Variants in PCNT observed in about 807,000 individuals in gnomAD.
PCNT encodes pericentrin, also known as kendrin.
A neutral mutation model predicts 380.4 loss-of-function variants in PCNT; 319 were observed. The ratio of observed to expected loss-of-function variants is 0.84; its 90% CI spans 0.77 to 0.92. The LOEUF is 0.92. PCNT is among the 40% of genes least tolerant of loss of function. The probability of loss-of-function intolerance (pLI) is 0.00; values close to 1 mark genes in which losing one functional copy is unlikely to be tolerated. For missense variants in PCNT, 4,400 were observed against 4,255.3 expected (o/e 1.03, Z -0.95); for synonymous variants, 1,845 against 1,735.2 (o/e 1.06, Z -1.57).
chr21:46,337,169 G>T (rs1181320895), intron 3 of PCNT, among the ~76,000 whole-genome samples: 1 of 151,796 alleles, frequency 6.6e-6, no homozygotes, highest in African/African-American at 2.4e-5. Flanking sequence ...GCTAATTGGG[G>T]TTTCACCATG....
In PCNT at chr21:46,377,037, C is replaced by T. The variant is rs555481789; in HGVS notation, c.3166-4657C>T. ...GGCACCTCAGCAAGTTCCAGGCCGG[C>T]GCGGGGGGCACCCGATCCTTTATCC... On this transcript the variant is annotated intron_variant, in intron 15 of 46. Coordinates refer to ENST00000359568, the MANE Select transcript of PCNT (RefSeq NM_006031.6). Among the ~76,000 whole-genome samples, 109 of 152,238 alleles carry T rather than the reference C, an allele frequency of 7.2e-4. 1 individual carries two copies. Among genetic ancestry groups the T allele is most frequent in the Non-Finnish European group, 1.4e-3 (92 of 68,026 alleles).
chr21:46,335,147 A>ACCAG (rs569342632), intron 3 of PCNT, among the ~76,000 whole-genome samples: 142 of 152,262 alleles, frequency 9.3e-4, no homozygotes, highest in African/African-American at 3.4e-3. Flanking sequence ...CTGTCTGTTC[A>ACCAG]GCCTGTTTCT....
At chr21:46,360,621 C>T (rs2084677787) in intron 13 of PCNT, among the ~76,000 whole-genome samples, 1 of 151,302 alleles carries the variant, frequency 6.6e-6, no homozygotes, top group Non-Finnish European at 1.5e-5. Context: ...CAGGTTCACG[C>T]CATTCTCCTG....
intron 15 of PCNT, 47 bp downstream of exon 15, chr21:46,367,186 C>G: frequency 5.2e-6 from 8 of 1,526,204 alleles, no homozygotes; most frequent in Non-Finnish European, 6.3e-6. Context: ...CCTCTCCTCG[C>G]TGCCTGTGTG....
intron 15 of PCNT, among the ~76,000 whole-genome samples, chr21:46,370,753 C>T (rs9981170): frequency 0.22 from 34,043 of 151,984 alleles, 4,765 homozygotes; most frequent in African/African-American, 0.4. Context: ...AAATAAAAAT[C>T]GGCCGGGCGC....
chr21:46,360,131 A>G (rs2084651459), intron 13 of PCNT, among the ~76,000 whole-genome samples: 3 of 151,534 alleles, frequency 2.0e-5, no homozygotes, highest in Admixed American at 2.0e-4. Context: ...TGCTGGGATT[A>G]CAGATGTGAG....
At position 46,355,544 on chromosome 21, in the gene PCNT, G is replaced by A. The variant is rs746375601; in HGVS notation, c.1854G>A (p.Gly618=). The A allele has an allele frequency of 6.2e-7, 1 of 1,614,146 alleles. No individual in the cohort carries two copies. The highest frequency in any genetic ancestry group is 8.5e-7 in the Non-Finnish European group (1 of 1,180,018). Residue 618 remains glycine (G), a synonymous_variant, in exon 12 of 47, where the codon GGG becomes GGA. Coordinates refer to ENST00000359568, the MANE Select transcript of PCNT (RefSeq NM_006031.6). ...LESPLCIQHE[G]HVSDRCCVET... Reference sequence around the variant, plus strand: ...CTCCCCTCTGCATCCAGCACGAGGGGCATGTCTCAGACAGATGCTGCGTAG... The same window carrying A: ...CTCCCCTCTGCATCCAGCACGAGGGACATGTCTCAGACAGATGCTGCGTAG...
At chr21:46,332,047 G>A (rs1418783543) in intron 2 of PCNT, among the ~76,000 whole-genome samples, 2 of 152,024 alleles carry the variant, frequency 1.3e-5, no homozygotes, top group South Asian at 2.1e-4. Flanking sequence ...GTAATCCCAG[G>A]TACTCGGGAG....
chr21:46,426,439 C>T (rs574059540), intron 33 of PCNT, among the ~76,000 whole-genome samples: 13 of 152,352 alleles, frequency 8.5e-5, no homozygotes, highest in East Asian at 5.8e-4. Context: ...CCCTGCGGGA[C>T]GTGGAGGTGT....
chr21:46,328,542 C>T (rs1415799408), intron 2 of PCNT, among the ~76,000 whole-genome samples: 4 of 152,156 alleles, frequency 2.6e-5, no homozygotes, highest in Non-Finnish European at 5.9e-5. Context: ...CTCACTGTAA[C>T]CTCTGCCTCC....
At chr21:46,328,354 C>T (rs1191884633) in intron 2 of PCNT, among the ~76,000 whole-genome samples, 1 of 151,934 alleles carries the variant, frequency 6.6e-6, no homozygotes, top group Non-Finnish European at 1.5e-5. Context: ...CCTCTGCCTC[C>T]CAGGCTGAAG....
Position 46,363,877 on chromosome 21 carries a change from T to A in PCNT, c.2552T>A (p.Leu851His), listed in dbSNP as rs1211346055. The A allele has an allele frequency of 6.2e-7, 1 of 1,612,338 alleles. No individual in the cohort carries two copies. Among genetic ancestry groups the A allele is most frequent in the Non-Finnish European group, 8.5e-7 (1 of 1,179,570 alleles). ...CCGCCCACAGCCCAGGACGGGGAGCTTGCTGCGCTCCACGTGAAGGAAGAC... is the reference window on the plus strand; with the variant it reads ...CCGCCCACAGCCCAGGACGGGGAGCATGCTGCGCTCCACGTGAAGGAAGAC... ...REPPTAQDGE[L>H]AALHVKEDCA... is the part of the protein sequence containing the mutation. Residue 851 changes from leucine to histidine, a missense_variant, in exon 14 of 47, where the codon CTT (leucine) becomes CAT (histidine). By Grantham distance (99) the Leu-to-His change is moderately conservative (BLOSUM62 -3). Coordinates refer to ENST00000359568, the MANE Select transcript of PCNT (RefSeq NM_006031.6).
chr21:46,442,973 C>T (rs2053651113), intron 44 of PCNT: 3 of 311,256 alleles, frequency 9.6e-6, no homozygotes, highest in African/African-American at 4.4e-5. Context: ...CGAGCCATTG[C>T]CCCCTACAGC....
chr21:46,346,081 C>A, intron 3 of PCNT, 47 bp from the exon 4 acceptor site: 1 of 1,557,456 alleles, frequency 6.4e-7, no homozygotes, highest in Non-Finnish European at 8.9e-7. Flanking sequence ...ATCACTGTGG[C>A]TTCTCATGTG....
chr21:46,378,194 G>A (rs1164587182), intron 15 of PCNT, among the ~76,000 whole-genome samples: 4 of 152,074 alleles, frequency 2.6e-5, no homozygotes, highest in Non-Finnish European at 5.9e-5. Context: ...ACCCCCAGTG[G>A]GTGCCTGAAA....
chr21:46,360,720 A>C (rs530086709), intron 13 of PCNT, among the ~76,000 whole-genome samples: 2 of 149,074 alleles, frequency 1.3e-5, no homozygotes, highest in African/African-American at 5.0e-5. Context: ...GGGTTTCACC[A>C]TGTTAGCCAG....
chr21:46,430,477 G>A (rs1356780843), intron 36 of PCNT, 30 bp from the exon 37 acceptor site: 2 of 1,549,290 alleles, frequency 1.3e-6, no homozygotes, highest in African/African-American at 1.4e-5. Context: ...GGCCCACGTG[G>A]TCAGATTGTT....
chr21:46,347,540 G>A (rs373661016), intron 6 of PCNT, 28 bp downstream of exon 6: 5 of 1,607,896 alleles, frequency 3.1e-6, no homozygotes, highest in Non-Finnish European at 3.4e-6. Context: ...TAAAATGCAC[G>A]CCTCTGTGTA....
chr21:46,340,029 A>G (rs2083868251), intron 3 of PCNT, among the ~76,000 whole-genome samples: 1 of 152,122 alleles, frequency 6.6e-6, no homozygotes, highest in South Asian at 2.1e-4. Context: ...CATACCCAAG[A>G]CTGGGTAATT....
Sources: allele counts gnomAD v4.1 joint callset (sites outside exome capture counted in the v4.1 genomes callset), GRCh38; gene constraint gnomAD v4.1.1; transcripts MANE v1.5; gene names NCBI Gene and HGNC (gene_info 2026-07-23, HGNC 2026-07-21).